The following PHKB variants were observed in gnomAD, a reference collection of about 807,000 sequenced individuals.
The protein encoded by PHKB is phosphorylase b kinase regulatory subunit beta.
In PHKB, 122 loss-of-function variants were observed where a neutral mutation model predicts 152.1. The observed-to-expected ratio is 0.80, with a 90% CI of 0.69 to 0.93. PHKB has a LOEUF of 0.93. Among genes scored for constraint, PHKB ranks in the 40% least tolerant of loss-of-function variants. The pLI, the probability that PHKB is intolerant of heterozygous loss-of-function variation, is 0.00. For missense variants in PHKB, 1,304 were observed against 1,328.4 expected (o/e 0.98, Z 0.29); for synonymous variants, 436 against 464.9 (o/e 0.94, Z 0.80).
chr16:47,594,155 C>A lies in PHKB; in HGVS notation c.1145C>A (p.Pro382His). 3 of 1,554,616 alleles carry A rather than the reference C, an allele frequency of 1.9e-6. No individual in the cohort carries two copies. Among genetic ancestry groups the A allele is most frequent in the Non-Finnish European group, 2.7e-6 (3 of 1,126,236 alleles). The change falls in exon 12 of 31, where the codon CCT (proline) becomes CAT (histidine). Residue 382 changes from proline to histidine, a missense_variant. Physicochemically the swap from Pro to His is moderately conservative, Grantham distance 77. Coordinates refer to ENST00000323584, the MANE Select transcript of PHKB (RefSeq NM_000293.3). ...ATTTTAGGAGTTTTTAGAGGCAATC[C>A]TAAGCAAGTACAGGAATATCAGGAT... ...MMIDGVFRGNPKQVQEYQDLL... is the reference protein window; with the variant it reads ...MMIDGVFRGNHKQVQEYQDLL...
At chr16:47,507,673 A>AAATTAAAG (rs1970444114) in intron 4 of PHKB, among the ~76,000 whole-genome samples, 2 of 152,190 alleles carry the variant, frequency 1.3e-5, no homozygotes, top group African/African-American at 4.8e-5. Flanking sequence ...AAGCTATCTT[A>AAATTAAAG]CATTCTTTAA....
chr16:47,577,335 A>C (rs942676946), intron 7 of PHKB, among the ~76,000 whole-genome samples: 3 of 152,098 alleles, frequency 2.0e-5, no homozygotes, highest in African/African-American at 4.8e-5. Context: ...TATTTCCTCC[A>C]TACACATTTA....
At chr16:47,618,360 G>A (rs1357117348) in intron 14 of PHKB, among the ~76,000 whole-genome samples, 2 of 152,034 alleles carry the variant, frequency 1.3e-5, no homozygotes, top group Non-Finnish European at 2.9e-5. Flanking sequence ...GAGAGCATAT[G>A]TGCACTCTGC....
At chr16:47,645,747 G>A (rs1973107169) in intron 16 of PHKB, among the ~76,000 whole-genome samples, 1 of 151,104 alleles carries the variant, frequency 6.6e-6, no homozygotes, top group South Asian at 2.1e-4. Context: ...CTCAAAAGAA[G>A]ACATTTATGC....
At chr16:47,672,458 A>G (rs185322663) in intron 26 of PHKB, among the ~76,000 whole-genome samples, 139 of 152,256 alleles carry the variant, frequency 9.1e-4, no homozygotes, top group Middle Eastern at 3.4e-3. Context: ...ATTGTCACAG[A>G]CTCAGGCATT....
chr16:47,624,232 T>C (rs1299152006), intron 14 of PHKB, among the ~76,000 whole-genome samples: 1 of 152,202 alleles, frequency 6.6e-6, no homozygotes, highest in African/African-American at 2.4e-5. Context: ...AACTGGTTTA[T>C]GAAGATGAAT....
intron 26 of PHKB, among the ~76,000 whole-genome samples, chr16:47,681,018 T>A (rs1973843486): frequency 1.3e-5 from 2 of 152,244 alleles, no homozygotes; most frequent in South Asian, 4.1e-4. Context: ...TGCCTTCATT[T>A]TGTTATTTAC....
At chr16:47,551,187 G>T (rs1465865331) in intron 7 of PHKB, among the ~76,000 whole-genome samples, 1 of 151,932 alleles carries the variant, frequency 6.6e-6, no homozygotes, top group Non-Finnish European at 1.5e-5. Flanking sequence ...TGATTTTTTT[G>T]AAGGGTTTTT....
intron 4 of PHKB, 81 bp downstream of exon 4, chr16:47,503,171 A>C: frequency 3.1e-6 from 3 of 979,110 alleles, no homozygotes; most frequent in Non-Finnish European, 4.8e-6. Flanking sequence ...GTTTCTTCTG[A>C]AGAAGAATGT....
intron 26 of PHKB, among the ~76,000 whole-genome samples, chr16:47,670,911 G>A (rs1057425431): frequency 2.1e-4 from 32 of 151,654 alleles, no homozygotes; most frequent in South Asian, 2.1e-4. Context: ...ACAAAAATAC[G>A]GAGACTAGTA....
chr16:47,629,430 T>C (rs1322929501), intron 14 of PHKB, among the ~76,000 whole-genome samples: 2 of 151,332 alleles, frequency 1.3e-5, no homozygotes, highest in Admixed American at 6.6e-5. Context: ...AAAATGGTCA[T>C]CATCACTGGC....
intron 10 of PHKB, among the ~76,000 whole-genome samples, chr16:47,592,646 T>C (rs1972047972): frequency 6.6e-6 from 1 of 152,190 alleles, no homozygotes; most frequent in Admixed American, 6.5e-5. Context: ...AGATATTTCC[T>C]ACTGCATAGT....
chr16:47,653,346 C>G (rs1973273860), intron 20 of PHKB, among the ~76,000 whole-genome samples: 2 of 152,110 alleles, frequency 1.3e-5, no homozygotes. Flanking sequence ...GAGAAAAAGC[C>G]TTTTGTCTCT....
At chr16:47,647,113 GTATT>G (rs752246332) in intron 16 of PHKB, among the ~76,000 whole-genome samples, 11 of 151,658 alleles carry the variant, frequency 7.3e-5, no homozygotes, top group Admixed American at 1.3e-4. Context: ...ATTTATTTAT[GTATT>G]TATTTATTTA....
intron 7 of PHKB, among the ~76,000 whole-genome samples, chr16:47,563,544 C>T (rs1052503068): frequency 2.6e-5 from 4 of 152,050 alleles, no homozygotes; most frequent in Non-Finnish European, 1.5e-5. Context: ...ATTCAGGAAA[C>T]CATGCTGTAA....
intron 7 of PHKB, among the ~76,000 whole-genome samples, chr16:47,571,164 G>T (rs1971651354): frequency 6.6e-6 from 1 of 152,054 alleles, no homozygotes; most frequent in Admixed American, 6.5e-5. Context: ...GGCCAGAGTG[G>T]CAGAGATCTC....
chr16:47,509,354 C>T (rs1024078034), intron 4 of PHKB, among the ~76,000 whole-genome samples: 1 of 152,128 alleles, frequency 6.6e-6, no homozygotes, highest in Non-Finnish European at 1.5e-5. Context: ...TGTACCCATT[C>T]TCTAGGTCCT....
At chr16:47,476,070 A>G (rs1318003620) in intron 1 of PHKB, among the ~76,000 whole-genome samples, 1 of 151,654 alleles carries the variant, frequency 6.6e-6, no homozygotes, top group Non-Finnish European at 1.5e-5. Context: ...GGATCTTGCT[A>G]TGTTGCCCAA....
At chr16:47,499,207 A>G (rs1379704449) in intron 2 of PHKB, among the ~76,000 whole-genome samples, 1 of 152,228 alleles carries the variant, frequency 6.6e-6, no homozygotes, top group Non-Finnish European at 1.5e-5. Flanking sequence ...TGAATACTGT[A>G]GACTCCCTCT....
Sources: allele counts gnomAD v4.1 joint callset (sites outside exome capture counted in the v4.1 genomes callset), GRCh38; gene constraint gnomAD v4.1.1; transcripts MANE v1.5; gene names NCBI Gene and HGNC (gene_info 2026-07-23, HGNC 2026-07-21).